ZC3H18: variants seen among roughly 807,000 people sequenced by gnomAD.
ZC3H18 encodes zinc finger CCCH-type containing 18.
Under a neutral mutation model 106.1 loss-of-function variants are expected in ZC3H18, and 8 were observed. The ratio of observed to expected loss-of-function variants is 0.08; its 90% CI spans 0.04 to 0.14. ZC3H18 has a LOEUF of 0.14. ZC3H18 is among the 10% of genes least tolerant of loss of function. ZC3H18 has a pLI of 1.00. For synonymous variants in ZC3H18, 635 were observed against 522.1 expected, an observed-to-expected ratio of 1.22 and a Z score of -2.95; for missense variants, 1,318 against 1,278.4, an observed-to-expected ratio of 1.03 and a Z score of -0.47.
chr16:88,577,544 G>A lies in ZC3H18; in HGVS notation c.421G>A (p.Ala141Thr), dbSNP rs746281260. ...DEEVPEEPAP[A>T]VQEDEAEKAG... ...GGAGGTTCCTGAGGAGCCAGCTCCC[G>A]CCGTCCAGGAGGACGAGGCTGAGAA... Residue 141 changes from alanine (A) to threonine (T), a missense_variant, in exon 2 of 18, where the codon GCC (alanine) becomes ACC (threonine). By Grantham distance (58) the Ala-to-Thr change is moderately conservative (BLOSUM62 0). This residue lies in a region of ZC3H18 where 346 missense variants were observed against 269.0 expected (regional missense o/e 1.29). Coordinates refer to ENST00000301011, the MANE Select transcript of ZC3H18 (RefSeq NM_144604.4). 28 of 1,613,468 alleles carry A rather than the reference G, an allele frequency of 1.7e-5. No homozygotes were observed. The South Asian group carries it at 1.9e-4, about 11-fold the overall frequency.
At position 88,623,203 on chromosome 16, in the gene ZC3H18, G is replaced by T. The variant is rs374362320; in HGVS notation, c.1668-16G>T. 2 of 1,610,346 alleles carry T rather than the reference G, an allele frequency of 1.2e-6. No individual in the cohort carries two copies. Among genetic ancestry groups the T allele is most frequent in the South Asian group, 1.1e-5 (1 of 90,932 alleles). ...CCCTTCTCACTTCTCGCCACGCTCC[G>T]TCCCGCCCGCCCCAGGTCGTCTTCG... On this transcript the variant is annotated splice_polypyrimidine_tract_variant and intron_variant, in intron 9 of 17. Coordinates refer to ENST00000301011, the MANE Select transcript of ZC3H18 (RefSeq NM_144604.4).
chr16:88,594,051 A>T (rs1904318094), intron 3 of ZC3H18, among the ~76,000 whole-genome samples: 1 of 152,164 alleles, frequency 6.6e-6, no homozygotes, highest in South Asian at 2.1e-4. Context: ...GAGCACACTG[A>T]AAAGGCTTTT....
At chr16:88,610,656 GAAT>G (rs1354468354) in intron 7 of ZC3H18, among the ~76,000 whole-genome samples, 5 of 152,230 alleles carry the variant, frequency 3.3e-5, no homozygotes, top group African/African-American at 1.2e-4. Context: ...TTTTAACCTT[GAAT>G]ATTAGAGCAA....
At chr16:88,596,379 C>T (rs577524906) in intron 3 of ZC3H18, among the ~76,000 whole-genome samples, 5 of 152,232 alleles carry the variant, frequency 3.3e-5, no homozygotes, top group Non-Finnish European at 5.9e-5. Context: ...TGGTGGTTCA[C>T]GCCTGTAATC....
At chr16:88,579,027 C>G (rs1162958426) in intron 2 of ZC3H18, among the ~76,000 whole-genome samples, 1 of 152,140 alleles carries the variant, frequency 6.6e-6, no homozygotes, top group African/African-American at 2.4e-5. Context: ...CGTGCGTGCT[C>G]TCAATGCACG....
rs528775454 is a variant in ZC3H18 at position 88,592,246 on chromosome 16, T to A, written c.688+5562T>A. Among the ~76,000 whole-genome samples the A allele has an allele frequency of 3.9e-5, 6 of 152,334 alleles. No homozygotes were observed. In the South Asian group the frequency reaches 1.2e-3, roughly 32 times the overall value. On this transcript the variant is annotated intron_variant, in intron 3 of 17. Transcript: ENST00000301011. ...GTAGGAGGTAATATCTTACTGGGTTTTGATCTGCCTTTCCTGAAGATGGGT... is the reference window on the plus strand; with the variant it reads ...GTAGGAGGTAATATCTTACTGGGTTATGATCTGCCTTTCCTGAAGATGGGT...
intron 6 of ZC3H18, among the ~76,000 whole-genome samples, chr16:88,607,482 G>A (rs974705220): frequency 9.8e-5 from 15 of 152,358 alleles, no homozygotes; most frequent in African/African-American, 1.4e-4. Context: ...ACTTGTGGGC[G>A]ATTCCGAGCT....
At chr16:88,584,680 C>T (rs1361759960) in intron 2 of ZC3H18, among the ~76,000 whole-genome samples, 1 of 152,178 alleles carries the variant, frequency 6.6e-6, no homozygotes, top group African/African-American at 2.4e-5. Context: ...AATGATGTCT[C>T]GCACCTTCAG....
chr16:88,624,208 G>C, intron 11 of ZC3H18, 146 bp downstream of exon 11: 1 of 1,080,236 alleles, frequency 9.3e-7, no homozygotes, highest in African/African-American at 1.6e-5. Context: ...TGACTGGGCT[G>C]GGAGGCACTG....
chr16:88,572,736 A>G (rs1271287515), intron 1 of ZC3H18, among the ~76,000 whole-genome samples: 1 of 151,654 alleles, frequency 6.6e-6, no homozygotes, highest in Non-Finnish European at 1.5e-5. Flanking sequence ...TACACTTAAG[A>G]GGCCACGTTT....
chr16:88,607,463 G>A (rs1195574000), intron 6 of ZC3H18, among the ~76,000 whole-genome samples: 1 of 152,222 alleles, frequency 6.6e-6, no homozygotes, highest in Non-Finnish European at 1.5e-5. Flanking sequence ...GTCAGTGTAG[G>A]AAGGACTGAC....
In ZC3H18 at chr16:88,577,678, G is replaced by T. The variant is rs555460361; in HGVS notation, c.555G>T (p.Glu185Asp). 5 of 1,613,800 alleles carry T rather than the reference G, an allele frequency of 3.1e-6. No individual in the cohort carries two copies. Among genetic ancestry groups the T allele is most frequent in the Non-Finnish European group, 4.2e-6 (5 of 1,180,038 alleles). ...AGGAATCCCTGGAGGCTGCCAAGGA[G>T]AAAAAGAAAGAGGACGATGATGGAG... is the stretch of plus-strand genomic sequence containing the variant. ...GEKESLEAAK[E>D]KKKEDDDGEI... Residue 185 changes from glutamate (E) to aspartate (D), a missense_variant, in exon 2 of 18, where the codon GAG (glutamate) becomes GAT (aspartate). Around this residue, in one of 6 missense-constraint regions of ZC3H18, gnomAD observed 346 missense variants for 269.0 expected, o/e 1.29. Transcript: ENST00000301011.
chr16:88,611,141 A>T, intron 7 of ZC3H18, 127 bp from the exon 8 acceptor site: 2 of 679,610 alleles, frequency 2.9e-6, no homozygotes, highest in African/African-American at 3.6e-5. Flanking sequence ...TTTTGTGTGT[A>T]GGTTTGTGGG....
At chr16:88,594,198 T>C (rs1904321724) in intron 3 of ZC3H18, among the ~76,000 whole-genome samples, 1 of 152,148 alleles carries the variant, frequency 6.6e-6, no homozygotes, top group Admixed American at 6.5e-5. Flanking sequence ...TTCAAGAGAT[T>C]CGCAAAAAGG....
intron 12 of ZC3H18, 132 bp from the exon 13 acceptor site, chr16:88,625,070 C>A: frequency 9.2e-7 from 1 of 1,085,066 alleles, no homozygotes; most frequent in Non-Finnish European, 1.3e-6. Flanking sequence ...GGAAGACAGG[C>A]CCAGGCCCTG....
At chr16:88,621,525 T>C (rs1905961550) in intron 8 of ZC3H18, among the ~76,000 whole-genome samples, 1 of 152,012 alleles carries the variant, frequency 6.6e-6, no homozygotes, top group Non-Finnish European at 1.5e-5. Flanking sequence ...GCCGGCCTAA[T>C]TTTTGTATTC....
chr16:88,623,266 C>T lies in ZC3H18; in HGVS notation c.1715C>T (p.Ser572Leu), dbSNP rs750266139. 7 of 1,613,562 alleles carry T rather than the reference C, an allele frequency of 4.3e-6. No individual in the cohort carries two copies. The East Asian group carries it at 6.7e-5, about 15-fold the overall frequency. The stretch of plus-strand genomic sequence containing the variant: ...TACTCTGGCTCCGGCTCCTCCCGGT[C>T]GCGATCCCGGTCTTCATCCTACAGC... ...SSYSGSGSSRSRSRSSSYSSY... is the reference protein window; with the variant it reads ...SSYSGSGSSRLRSRSSSYSSY... Residue 572 changes from serine (S) to leucine (L), a missense_variant, in exon 10 of 18, where the codon TCG becomes TTG. Ser to Leu is a moderately radical substitution (Grantham distance 145). Transcript: ENST00000301011.
At chr16:88,576,347 C>T (rs1210632080) in intron 1 of ZC3H18, among the ~76,000 whole-genome samples, 1 of 152,158 alleles carries the variant, frequency 6.6e-6, no homozygotes, top group African/African-American at 2.4e-5. Flanking sequence ...TGGCCAGCCT[C>T]GTCTTTTACA....
At chr16:88,603,486 G>A (rs1904854050) in intron 6 of ZC3H18, among the ~76,000 whole-genome samples, 1 of 151,414 alleles carries the variant, frequency 6.6e-6, no homozygotes, top group Admixed American at 6.6e-5. Flanking sequence ...AGCAGGGCGT[G>A]GCAGCATGCA....
Sources: gnomAD v4.1 joint callset for allele counts (sites outside exome capture counted in the v4.1 genomes callset) on GRCh38, gnomAD v4.1.1 for gene constraint, gnomAD v4.1.1 regional missense constraint, MANE v1.5 for transcripts, NCBI Gene and HGNC (gene_info 2026-07-23, HGNC 2026-07-21) for gene names.